The following AKNA variants were observed in gnomAD, a reference collection of about 807,000 sequenced individuals.
AKNA encodes the protein microtubule organization protein AKNA.
A neutral mutation model predicts 138.8 loss-of-function variants in AKNA; 67 were observed. The ratio of observed to expected loss-of-function variants is 0.48; its 90% CI spans 0.40 to 0.59. The LOEUF is 0.59. AKNA is among the 20% of genes least tolerant of loss of function. The probability of loss-of-function intolerance (pLI) is 0.00; values close to 1 mark genes in which losing one functional copy is unlikely to be tolerated. For synonymous variants in AKNA, 737 were observed against 754.4 expected (o/e 0.98, Z 0.38); for missense variants, 1,813 against 1,880.4 (o/e 0.96, Z 0.66).
In AKNA at chr9:114,381,181, G is replaced by C; in HGVS notation, c.153C>G (p.Thr51=). The C allele has an allele frequency of 6.2e-7, 1 of 1,614,106 alleles. No individual in the cohort carries two copies. Among genetic ancestry groups the C allele is most frequent in the Non-Finnish European group, 8.5e-7 (1 of 1,180,012 alleles). ...WEEERLFPNA[T]SPELLEDFRL... ...GGAAGTCCTCTAGGAGCTCGGGGCT[G>C]GTGGCATTGGGAAAGAGTCTCTCTT... The change falls in exon 2 of 22, where the codon ACC becomes ACG. Residue 51 remains threonine, a synonymous_variant. Transcript: ENST00000374088.
rs565455442 is a variant in AKNA at position 114,382,670 on chromosome 9, A to G, written c.-113-1224T>C. Among the ~76,000 whole-genome samples, 11 of 152,254 alleles carry G rather than the reference A, an allele frequency of 7.2e-5. No individual in the cohort carries two copies. In the South Asian group the frequency reaches 1.5e-3, roughly 20 times the overall value. The stretch of plus-strand genomic sequence containing the variant: ...CTCAAATGAAAAGGCATGAAGTCCC[A>G]ACACATGCTACAGTATAGATGAACC... On this transcript the variant is annotated intron_variant, in intron 1 of 21. Transcript: ENST00000374088.
rs752740336 is a variant in AKNA, at chr9:114,359,752, C to A, written c.2334G>T (p.Glu778Asp). ...CCTCCTCCTCTCCTTCTTCCTCCTCCTCCATTCTCATGGCTTCTGGGAGAG... is the reference window on the plus strand; with the variant it reads ...CCTCCTCCTCTCCTTCTTCCTCCTCATCCATTCTCATGGCTTCTGGGAGAG... The part of the protein sequence containing the change: ...VKSLPEAMRM[E>D]EEEEGEEEEE... Residue 778 changes from glutamate (E) to aspartate (D), a missense_variant, in exon 11 of 22, where the codon GAG becomes GAT. Physicochemically the swap from Glu to Asp is conservative, Grantham distance 45. Transcript: ENST00000374088. 5 of 1,602,720 alleles carry A rather than the reference C, an allele frequency of 3.1e-6. No homozygotes were observed. The highest frequency in any genetic ancestry group is 4.3e-6 in the Non-Finnish European group (5 of 1,174,088).
downstream of AKNA, chr9:114,330,841 A>G: frequency 6.2e-7 from 1 of 1,613,886 alleles, no homozygotes; most frequent in South Asian, 1.1e-5. Context: ...CCAGCGGGAG[A>G]ATGGGACCGT....
Position 114,337,111 on chromosome 9 carries a change from G to GCTT in AKNA, c.4260_4262dup (p.Arg1420dup). 1 of 1,604,770 alleles carries GCTT rather than the reference G, an allele frequency of 6.2e-7. No homozygotes were observed. The highest frequency in any genetic ancestry group is 8.5e-7 in the Non-Finnish European group (1 of 1,175,800). Reference sequence around the variant, plus strand: ...CCTGGCGCAGGTCGGCTGACAGCGAGCTTCTCATCTGCCTGGTGGTAGAGC... The same window carrying GCTT: ...CCTGGCGCAGGTCGGCTGACAGCGAGCTTCTTCTCATCTGCCTGGTGGTAGAGC... On this transcript the variant is annotated inframe_insertion, in exon 22 of 22. Transcript: ENST00000374088.
At chr9:114,331,870 G>A (rs769078483), downstream of AKNA, 15 of 1,613,732 alleles carry the variant, frequency 9.3e-6, no homozygotes, top group African/African-American at 5.3e-5. Flanking sequence ...AGAGTTCTAC[G>A]AAGCTCTCGA....
chr9:114,346,314 G>C (rs1830682161), intron 17 of AKNA, among the ~76,000 whole-genome samples: 1 of 152,224 alleles, frequency 6.6e-6, no homozygotes, highest in African/African-American at 2.4e-5. Context: ...CCAAGGACAA[G>C]TGGAGGGGAG....
chr9:114,383,447 G>T (rs1833827412), intron 1 of AKNA, among the ~76,000 whole-genome samples: 1 of 152,216 alleles, frequency 6.6e-6, no homozygotes, highest in African/African-American at 2.4e-5. Flanking sequence ...GGAGGGTTCA[G>T]AGAACTGCAG....
chr9:114,386,215 G>A (rs948961314), intron 1 of AKNA, among the ~76,000 whole-genome samples: 3 of 152,210 alleles, frequency 2.0e-5, no homozygotes, highest in East Asian at 1.9e-4. Flanking sequence ...TATACCAGGC[G>A]CTACGTAAGA....
chr9:114,387,113 G>T (rs2132132476), intron 1 of AKNA, among the ~76,000 whole-genome samples: 1 of 152,270 alleles, frequency 6.6e-6, no homozygotes. Context: ...ATGTGTCAGG[G>T]AGATGGGGAA....
chr9:114,396,338 T>C (rs1309884827), upstream of AKNA, among the ~76,000 whole-genome samples: 1 of 152,196 alleles, frequency 6.6e-6, no homozygotes, highest in Admixed American at 6.5e-5. Flanking sequence ...ATTTAGAATG[T>C]GGACTGAGCA....
Position 114,346,694 on chromosome 9 carries a change from A to C in AKNA, c.3489T>G (p.Pro1163=). ...TCAGGGACAGTCGGAGCACCTCCCG[A>C]GGCACTGAGGAAGACCTGGCTCGCT... ...GRQRARSSSV[P]REVLRLSLSS... Residue 1163 remains proline (P), a synonymous_variant, in exon 17 of 22, where the codon CCT becomes CCG. Transcript: ENST00000374088. The C allele has an allele frequency of 6.2e-7, 1 of 1,612,102 alleles. No individual in the cohort carries two copies. The highest frequency in any genetic ancestry group is 8.5e-7 in the Non-Finnish European group (1 of 1,179,090).
upstream of AKNA, among the ~76,000 whole-genome samples, chr9:114,392,469 C>G (rs1161961004): frequency 6.6e-6 from 1 of 152,228 alleles, no homozygotes; most frequent in Admixed American, 6.5e-5. Flanking sequence ...GCTGTGTGGC[C>G]TTGGGCAAGC....
Position 114,359,951 on chromosome 9 carries a change from G to A in AKNA, c.2236C>T (p.Arg746Ter), listed in dbSNP as rs746093767. 52 of 1,614,038 alleles carry A rather than the reference G, an allele frequency of 3.2e-5. No individual in the cohort carries two copies. The highest frequency in any genetic ancestry group is 4.2e-5 in the Non-Finnish European group (49 of 1,180,022). Residue 746 changes from arginine (R) to a stop codon, truncating the protein, a stop_gained, in exon 10 of 22, where the codon CGA (arginine) becomes TGA (stop). Coordinates refer to ENST00000374088, the MANE Select transcript of AKNA (RefSeq NM_001317950.2). LOFTEE classifies it high-confidence loss of function. ...ATCTGCAGCTCCTTGTGCCTGAGTC[G>A]GGCCAGGGGGTCCTGTGGCCTGTCC... ...VEDRPQDPLARLRHKELQMEQ... is the reference protein window; with the variant it reads ...VEDRPQDPLA
chr9:114,365,463 C>T (rs939333236), intron 6 of AKNA, among the ~76,000 whole-genome samples: 1 of 151,902 alleles, frequency 6.6e-6, no homozygotes, highest in Non-Finnish European at 1.5e-5. Context: ...CTATTACCTG[C>T]TCAAAAAAGT....
At position 114,372,976 on chromosome 9, in the gene AKNA, G is replaced by GGGA. The variant is rs1554842105; in HGVS notation, c.1416+1116_1416+1117insTCC. Among the ~76,000 whole-genome samples, 13 of 134,600 alleles carry GGGA rather than the reference G, an allele frequency of 9.7e-5. 1 individual carries two copies. The highest frequency in any genetic ancestry group is 3.6e-4 in the African/African-American group (13 of 35,956). The allele number at this position is 134,600 out of a possible 152,430, so 88.3% of individuals were successfully genotyped here. Reference sequence around the variant, plus strand: ...TGTGGGGACGCAGCGGGGGGGGGGGGGGTCCTGGTCCTAGAACAGGCCCCC... The same window carrying GGGA: ...TGTGGGGACGCAGCGGGGGGGGGGGGGGAGGTCCTGGTCCTAGAACAGGCCCCC... On this transcript the variant is annotated intron_variant, in intron 4 of 21. Coordinates refer to ENST00000374088, the MANE Select transcript of AKNA (RefSeq NM_001317950.2).
chr9:114,376,941 C>T lies in AKNA; in HGVS notation c.866G>A (p.Cys289Tyr). The T allele has an allele frequency of 1.2e-6, 2 of 1,614,226 alleles. No individual in the cohort carries two copies. The highest frequency in any genetic ancestry group is 1.7e-6 in the Non-Finnish European group (2 of 1,180,040). The change falls in exon 3 of 22, where the codon TGC becomes TAC. Residue 289 changes from cysteine to tyrosine, a missense_variant. Coordinates refer to ENST00000374088, the MANE Select transcript of AKNA (RefSeq NM_001317950.2). ...RWRRETTRFF[C>Y]PQPKEHIWKQ... The stretch of plus-strand genomic sequence containing the variant: ...CCAGATGTGTTCCTTGGGCTGAGGG[C>T]AGAAGAATCTGGTCGTTTCTCTCCT...
intron 14 of AKNA, among the ~76,000 whole-genome samples, chr9:114,355,659 C>T (rs1196392245): frequency 6.6e-6 from 1 of 152,238 alleles, no homozygotes; most frequent in African/African-American, 2.4e-5. Context: ...CAAAACGTTG[C>T]TATGCAGTGC....
At position 114,368,475 on chromosome 9, in the gene AKNA, C is replaced by G. The variant is rs1164508842; in HGVS notation, c.1537G>C (p.Gly513Arg). 1 of 1,337,836 alleles carries G rather than the reference C, an allele frequency of 7.5e-7. No individual in the cohort carries two copies. The highest frequency in any genetic ancestry group is 9.7e-7 in the Non-Finnish European group (1 of 1,034,198). 82.9% of individuals were successfully genotyped at this position (1,337,836 alleles called of 1,614,324 possible). ...PQPRSAEWWP[G>R]PAEDPQASAA... ...GAGGCCTGGGGGTCCTCGGCCGGGC[C>G]CGGCCACCACTCTGCAGAGCGGGGC... The change falls in exon 5 of 22, where the codon GGC (glycine) becomes CGC (arginine). Residue 513 changes from glycine (G) to arginine (R), a missense_variant. Transcript: ENST00000374088.
At chr9:114,379,207 C>T (rs1833458134) in intron 2 of AKNA, among the ~76,000 whole-genome samples, 1 of 152,216 alleles carries the variant, frequency 6.6e-6, no homozygotes, top group Admixed American at 6.5e-5. Context: ...AATCCTGGCT[C>T]CTATCACCCC....
Sources: allele counts gnomAD v4.1 joint callset (sites outside exome capture counted in the v4.1 genomes callset), GRCh38; gene constraint gnomAD v4.1.1; transcripts MANE v1.5; gene names NCBI Gene and HGNC (gene_info 2026-07-23, HGNC 2026-07-21).